RASAL2: variants seen among roughly 807,000 people sequenced by gnomAD.
The protein encoded by RASAL2 is ras GTPase-activating protein nGAP.
In RASAL2, 58 loss-of-function variants were observed where a neutral mutation model predicts 128.9. That is an observed-to-expected ratio of 0.45 (90% CI 0.36 to 0.56). RASAL2 has a LOEUF of 0.56. Ranked by LOEUF, RASAL2 falls within the 20% of genes least tolerant of loss-of-function variation. The pLI is 0.00. For missense variants in RASAL2, 1,360 were observed against 1,601.6 expected (o/e 0.85, Z 2.57); for synonymous variants, 561 against 580.8 (o/e 0.97, Z 0.49).
chr1:178,233,839 T>C (rs1178113704), intron 1 of RASAL2, among the ~76,000 whole-genome samples: 2 of 152,152 alleles, frequency 1.3e-5, no homozygotes, highest in African/African-American at 4.8e-5. Flanking sequence ...TCCAGGATGC[T>C]GAATCTAAAA....
chr1:178,227,434 A>G (rs1339006408), intron 1 of RASAL2, among the ~76,000 whole-genome samples: 1 of 151,678 alleles, frequency 6.6e-6, no homozygotes, highest in Non-Finnish European at 1.5e-5. Flanking sequence ...AAGACTCTCA[A>G]AAGACATTGC....
chr1:178,457,878 G>A lies in RASAL2; in HGVS notation c.2586G>A (p.Glu862=), dbSNP rs769977439. 4 of 1,614,072 alleles carry A rather than the reference G, an allele frequency of 2.5e-6. No individual in the cohort carries two copies. The highest frequency in any genetic ancestry group is 2.5e-6 in the Non-Finnish European group (3 of 1,180,042). The change falls in exon 14 of 18, where the codon GAG becomes GAA. Residue 862 remains glutamate (E), a synonymous_variant. Coordinates refer to ENST00000367649, the MANE Select transcript of RASAL2 (RefSeq NM_170692.4). ...AGGACACTCATGCTGCTCAAGTGGA[G>A]CATGCATCTGTCATGCTTGATGTGC... ...DLQDTHAAQV[E]HASVMLDVPI...
chr1:178,358,730 G>A (rs1670952737), intron 3 of RASAL2, among the ~76,000 whole-genome samples: 1 of 152,142 alleles, frequency 6.6e-6, no homozygotes, highest in Admixed American at 6.5e-5. Flanking sequence ...TGGCATTGCT[G>A]AAGTTGAACA....
chr1:178,236,916 A>C (rs1664274794), intron 1 of RASAL2, among the ~76,000 whole-genome samples: 1 of 151,884 alleles, frequency 6.6e-6, no homozygotes. Flanking sequence ...GGTGCACAGC[A>C]CCAAGCCCAG....
At chr1:178,341,075 C>T (rs1279108863) in intron 3 of RASAL2, among the ~76,000 whole-genome samples, 8 of 152,058 alleles carry the variant, frequency 5.3e-5, no homozygotes, top group Non-Finnish European at 1.0e-4. Context: ...TCTATCTCTG[C>T]GTCAGCTGTA....
chr1:178,207,603 T>G (rs921022316), intron 1 of RASAL2, among the ~76,000 whole-genome samples: 1 of 152,188 alleles, frequency 6.6e-6, no homozygotes, highest in Non-Finnish European at 1.5e-5. Flanking sequence ...AAAAATAGGC[T>G]AAAGTATTGA....
chr1:178,445,817 G>A (rs1012045193), intron 9 of RASAL2, among the ~76,000 whole-genome samples, 155 bp downstream of exon 9: 7 of 152,146 alleles, frequency 4.6e-5, no homozygotes, highest in Non-Finnish European at 7.3e-5. Flanking sequence ...GAAGTCTGCA[G>A]TACTCACCAG....
At chr1:178,136,513 T>C (rs988003168) in intron 1 of RASAL2, among the ~76,000 whole-genome samples, 2 of 151,910 alleles carry the variant, frequency 1.3e-5, no homozygotes, top group African/African-American at 4.8e-5. Context: ...CCCAGCACTT[T>C]GGGAGGCTGA....
rs144259331 is a variant in RASAL2 at position 178,466,807 on chromosome 1, C to G, written c.3591-527C>G. Among the ~76,000 whole-genome samples, 742 of 152,278 alleles carry G rather than the reference C, an allele frequency of 4.9e-3. 4 individuals carry two copies. Among genetic ancestry groups the G allele is most frequent in the Non-Finnish European group, 7.7e-3 (525 of 68,024 alleles). On this transcript the variant is annotated intron_variant, in intron 16 of 17. Transcript: ENST00000367649. ...AAATGCTATGGACAGGTCAAGTAAA[C>G]AGAACTGTTTGTTGTTTTAATAGTG...
At chr1:178,440,216 A>G (rs1437852897) in intron 6 of RASAL2, among the ~76,000 whole-genome samples, 2 of 152,020 alleles carry the variant, frequency 1.3e-5, no homozygotes. Flanking sequence ...TTATACATAC[A>G]TAGAATTATT....
At chr1:178,281,262 G>GCT (rs1273899491) in intron 1 of RASAL2, among the ~76,000 whole-genome samples, 1 of 151,724 alleles carries the variant, frequency 6.6e-6, no homozygotes, top group Non-Finnish European at 1.5e-5. Context: ...TAGAAGCATT[G>GCT]CTCTCTATTT....
At chr1:178,226,755 T>A (rs1024964579) in intron 1 of RASAL2, among the ~76,000 whole-genome samples, 1 of 152,148 alleles carries the variant, frequency 6.6e-6, no homozygotes, top group Non-Finnish European at 1.5e-5. Context: ...AAGACCAGCC[T>A]GGCCAACATG....
chr1:178,437,235 G>A (rs1015242697), intron 5 of RASAL2, among the ~76,000 whole-genome samples: 1 of 152,080 alleles, frequency 6.6e-6, no homozygotes, highest in African/African-American at 2.4e-5. Context: ...TCTGTTGTTT[G>A]TGTTTCTGTT....
At chr1:178,177,053 A>G (rs183622421) in intron 1 of RASAL2, among the ~76,000 whole-genome samples, 2 of 152,320 alleles carry the variant, frequency 1.3e-5, no homozygotes, top group East Asian at 3.9e-4. Context: ...CTTCAGCTGA[A>G]TATTTTCTTT....
intron 1 of RASAL2, among the ~76,000 whole-genome samples, chr1:178,100,243 C>T (rs778767250): frequency 6.6e-6 from 1 of 151,410 alleles, no homozygotes; most frequent in Non-Finnish European, 1.5e-5. Context: ...GGGCCGGGCG[C>T]GGTGGCTTAT....
intron 1 of RASAL2, among the ~76,000 whole-genome samples, chr1:178,243,167 T>C (rs186377658): frequency 1.4e-4 from 21 of 152,328 alleles, no homozygotes; most frequent in Admixed American, 4.6e-4. Flanking sequence ...GCTCCAAGCC[T>C]ACAGTAGTGA....
At chr1:178,377,781 G>C (rs1029408232) in intron 3 of RASAL2, among the ~76,000 whole-genome samples, 2 of 152,100 alleles carry the variant, frequency 1.3e-5, no homozygotes, top group African/African-American at 4.8e-5. Flanking sequence ...ATATGTCAGA[G>C]ATAGGAAGTG....
intron 3 of RASAL2, among the ~76,000 whole-genome samples, chr1:178,357,266 T>A (rs1670857965): frequency 6.6e-6 from 1 of 152,176 alleles, no homozygotes; most frequent in South Asian, 2.1e-4. Context: ...CTTTTTCAAC[T>A]TCAGTTTATG....
intron 1 of RASAL2, among the ~76,000 whole-genome samples, chr1:178,167,866 G>A (rs1571574918): frequency 6.6e-6 from 1 of 151,968 alleles, no homozygotes; most frequent in African/African-American, 2.4e-5. Flanking sequence ...TAAAACCTGT[G>A]TTGCTCAAGG....
Sources: allele counts gnomAD v4.1 joint callset (sites outside exome capture counted in the v4.1 genomes callset), GRCh38; gene constraint gnomAD v4.1.1; transcripts MANE v1.5; gene names NCBI Gene and HGNC (gene_info 2026-07-23, HGNC 2026-07-21).